Variants in ROBO2 observed in about 807,000 individuals in gnomAD.
ROBO2 encodes roundabout homolog 2.
A neutral mutation model predicts 160.8 loss-of-function variants in ROBO2; 53 were observed. That is an observed-to-expected ratio of 0.33 (90% CI 0.26 to 0.41). ROBO2 has a LOEUF of 0.41. Ranked by LOEUF, ROBO2 falls within the 10% of genes least tolerant of loss-of-function variation. ROBO2 has a pLI of 1.00. For synonymous variants in ROBO2, 664 were observed against 611.7 expected (o/e 1.09, Z -1.26); for missense variants, 1,577 against 1,722.4 (o/e 0.92, Z 1.49).
chr3:76,356,833 G>A (rs769902105), intron 2 of ROBO2, among the ~76,000 whole-genome samples: 6 of 151,728 alleles, frequency 4.0e-5, no homozygotes, highest in Non-Finnish European at 8.8e-5. Flanking sequence ...CGTAGAAAAC[G>A]TTGACCAAGA....
intron 2 of ROBO2, among the ~76,000 whole-genome samples, chr3:76,623,822 T>C (rs1161258593): frequency 6.6e-6 from 1 of 152,224 alleles, no homozygotes; most frequent in African/African-American, 2.4e-5. Flanking sequence ...GAAGATAAAA[T>C]TGAAGCAAAG....
At chr3:76,377,706 CAG>C (rs1399112872) in intron 2 of ROBO2, among the ~76,000 whole-genome samples, 1 of 152,150 alleles carries the variant, frequency 6.6e-6, no homozygotes, top group East Asian at 1.9e-4. Flanking sequence ...ACATGCATGA[CAG>C]AGTCTTATAC....
At chr3:76,614,731 G>T (rs2088429614) in intron 2 of ROBO2, among the ~76,000 whole-genome samples, 1 of 152,040 alleles carries the variant, frequency 6.6e-6, no homozygotes, top group African/African-American at 2.4e-5. Context: ...TAAATGCCTA[G>T]GAAAAAAATT....
chr3:77,290,332 GAC>G (rs1402217663), intron 2 of ROBO2, among the ~76,000 whole-genome samples: 1 of 96,062 alleles, frequency 1.0e-5, no homozygotes, highest in Non-Finnish European at 2.2e-5. Context: ...GATCACCCCA[GAC>G]ATAAAGTAAA....
At chr3:76,302,701 G>A (rs962048997) in intron 2 of ROBO2, among the ~76,000 whole-genome samples, 2 of 152,000 alleles carry the variant, frequency 1.3e-5, no homozygotes, top group African/African-American at 2.4e-5. Flanking sequence ...TGTAACCTAG[G>A]AGCAATAGGC....
At chr3:77,160,172 C>G (rs1329440898) in intron 2 of ROBO2, among the ~76,000 whole-genome samples, 1 of 152,010 alleles carries the variant, frequency 6.6e-6, no homozygotes, top group African/African-American at 2.4e-5. Context: ...GGCAACTATA[C>G]AAAACACGAT....
intron 2 of ROBO2, among the ~76,000 whole-genome samples, chr3:76,519,700 T>C (rs961058272): frequency 3.9e-4 from 59 of 152,162 alleles, no homozygotes; most frequent in Non-Finnish European, 7.6e-4. Context: ...ATCCTTTTGC[T>C]AGAAGAGATA....
intron 2 of ROBO2, among the ~76,000 whole-genome samples, chr3:77,024,028 A>G (rs1385167145): frequency 6.6e-6 from 1 of 152,194 alleles, no homozygotes; most frequent in Non-Finnish European, 1.5e-5. Context: ...CTTCAGGTCT[A>G]ATAATTCATA....
chr3:76,644,395 C>T (rs79425185), intron 2 of ROBO2, among the ~76,000 whole-genome samples: 2,117 of 152,314 alleles, frequency 0.014, 15 homozygotes, highest in Middle Eastern at 0.034. Context: ...ACCAGTCTCA[C>T]CCATGTCAAT....
chr3:77,258,631 A>T (rs2058579049), intron 2 of ROBO2, among the ~76,000 whole-genome samples: 1 of 113,142 alleles, frequency 8.8e-6, no homozygotes, highest in Non-Finnish European at 2.2e-5. Context: ...TTAAAAAAAA[A>T]AAAAAGGAAG....
intron 2 of ROBO2, among the ~76,000 whole-genome samples, chr3:76,307,388 T>C (rs2107764960): frequency 6.6e-6 from 1 of 152,330 alleles, no homozygotes; most frequent in East Asian, 1.9e-4. Flanking sequence ...AACCATTCTT[T>C]ATGGCCTGCA....
intron 2 of ROBO2, among the ~76,000 whole-genome samples, chr3:77,435,644 A>T (rs2079201312): frequency 6.6e-6 from 1 of 151,836 alleles, no homozygotes; most frequent in South Asian, 2.1e-4. Context: ...AATGAAAGCA[A>T]ACTAAGCAAG....
intron 2 of ROBO2, among the ~76,000 whole-genome samples, chr3:75,979,423 G>T (rs1386166175): frequency 6.6e-6 from 1 of 151,450 alleles, no homozygotes; most frequent in Admixed American, 6.6e-5. Flanking sequence ...GGAGAGAATA[G>T]GATCAGCCCA....
chr3:76,615,080 A>G (rs2109137152), intron 2 of ROBO2, among the ~76,000 whole-genome samples: 1 of 152,280 alleles, frequency 6.6e-6, no homozygotes, highest in Middle Eastern at 3.4e-3. Context: ...TTAAACTGAA[A>G]TTCTGACTCT....
chr3:76,554,146 A>G (rs948831748), intron 2 of ROBO2, among the ~76,000 whole-genome samples: 1 of 152,222 alleles, frequency 6.6e-6, no homozygotes, highest in African/African-American at 2.4e-5. Flanking sequence ...TCATATGAAA[A>G]CATATTGTAT....
chr3:77,381,570 T>C (rs548862156), intron 2 of ROBO2, among the ~76,000 whole-genome samples: 12 of 152,340 alleles, frequency 7.9e-5, no homozygotes, highest in African/African-American at 2.9e-4. Context: ...ACTCTGACTA[T>C]TTTTGCATCT....
chr3:77,268,824 A>G (rs573277181), intron 2 of ROBO2, among the ~76,000 whole-genome samples: 1 of 152,204 alleles, frequency 6.6e-6, no homozygotes, highest in African/African-American at 2.4e-5. Flanking sequence ...TTTAGCAGCA[A>G]TTTAGAGAGC....
At chr3:77,462,743 C>T (rs1259214502) in intron 2 of ROBO2, among the ~76,000 whole-genome samples, 1 of 140,820 alleles carries the variant, frequency 7.1e-6, no homozygotes, top group African/African-American at 2.6e-5. Flanking sequence ...GTCTTCCTCC[C>T]TTATTCTTTA....
rs763483264 is a variant in ROBO2, at chr3:76,091,684, T to A, written c.109+154082T>A. On this transcript the variant is annotated intron_variant, in intron 2 of 26. Coordinates refer to the ROBO2 transcript ENST00000487694. Reference sequence around the variant, plus strand: ...AAATTTGGAAGCAACTAAGATTTCCTTCGGTAATTGAGAGTGTAAATAAAC... The same window carrying A: ...AAATTTGGAAGCAACTAAGATTTCCATCGGTAATTGAGAGTGTAAATAAAC... 2.0e-5 allele frequency among the ~76,000 whole-genome samples: 3 copies of A among 152,292 alleles called. No individual in the cohort carries two copies. In the East Asian group the frequency reaches 5.8e-4, roughly 29 times the overall value.
Sources: allele counts gnomAD v4.1 joint callset (sites outside exome capture counted in the v4.1 genomes callset), GRCh38; gene constraint gnomAD v4.1.1; transcripts MANE v1.5; gene names NCBI Gene and HGNC (gene_info 2026-07-23, HGNC 2026-07-21).